Variants in SLC15A5 observed in about 807,000 individuals in gnomAD.
The protein encoded by SLC15A5 is solute carrier family 15 member 5.
SLC15A5 carries 58 observed loss-of-function variants against 56.1 expected under a neutral mutation model. That is an observed-to-expected ratio of 1.03 (90% CI 0.84 to 1.29). SLC15A5 has a LOEUF of 1.29. SLC15A5 is among the 50% of genes most tolerant of loss of function. The pLI is 0.00. For missense variants in SLC15A5, 681 were observed against 672.1 expected (o/e 1.01, Z -0.15); for synonymous variants, 264 against 250.5 (o/e 1.05, Z -0.51).
intron 2 of SLC15A5, among the ~76,000 whole-genome samples, chr12:16,262,022 G>A (rs541410142): frequency 3.9e-5 from 6 of 151,970 alleles, no homozygotes; most frequent in African/African-American, 1.2e-4. Flanking sequence ...TTCATGGATC[G>A]TCCTTTTAGA....
intron 7 of SLC15A5, among the ~76,000 whole-genome samples, chr12:16,213,260 C>A (rs1041551476): frequency 6.6e-6 from 1 of 152,124 alleles, no homozygotes; most frequent in Non-Finnish European, 1.5e-5. Context: ...GCCATCTTTA[C>A]TGAACACTTA....
At chr12:16,233,741 G>A (rs1039658936) in intron 5 of SLC15A5, among the ~76,000 whole-genome samples, 1 of 152,184 alleles carries the variant, frequency 6.6e-6, no homozygotes, top group African/African-American at 2.4e-5. Context: ...TGTCCTCCCT[G>A]ACCAGTAGTG....
In SLC15A5 at chr12:16,272,558, T is replaced by A; in HGVS notation, c.584+3A>T. 6.5e-7 allele frequency: 1 copy of A among 1,536,460 alleles called. No individual in the cohort carries two copies. ...CTTTTCTCTCCTAGCCAGTGCTACT[T>A]ACCAGTTAAAAAAAGACATCGTTTT... On this transcript the variant is annotated splice_donor_region_variant and intron_variant, in intron 2 of 8. Coordinates refer to ENST00000344941, the MANE Select transcript of SLC15A5 (RefSeq NM_001170798.1).
At chr12:16,190,926 G>T (rs181885897) in intron 8 of SLC15A5, among the ~76,000 whole-genome samples, 1 of 152,058 alleles carries the variant, frequency 6.6e-6, no homozygotes, top group Non-Finnish European at 1.5e-5. Flanking sequence ...GGACAGTGGT[G>T]TTAGTTATAA....
At chr12:16,266,510 T>A (rs986160221) in intron 2 of SLC15A5, among the ~76,000 whole-genome samples, 1 of 152,258 alleles carries the variant, frequency 6.6e-6, no homozygotes, top group East Asian at 1.9e-4. Flanking sequence ...GTACTAAATG[T>A]ATTTTAACAA....
intron 6 of SLC15A5, among the ~76,000 whole-genome samples, chr12:16,217,949 T>A (rs1373556847): frequency 6.6e-6 from 1 of 152,134 alleles, no homozygotes; most frequent in Non-Finnish European, 1.5e-5. Flanking sequence ...TCTTTTGGAA[T>A]CAGAAATAGA....
intron 1 of SLC15A5, among the ~76,000 whole-genome samples, chr12:16,274,931 T>G (rs947154771): frequency 1.3e-5 from 2 of 152,058 alleles, no homozygotes; most frequent in African/African-American, 4.8e-5. Context: ...ATGACATATA[T>G]GAAGAAAAGT....
chr12:16,265,926 C>CT (rs1198363725), intron 2 of SLC15A5, among the ~76,000 whole-genome samples: 1 of 152,046 alleles, frequency 6.6e-6, no homozygotes, highest in African/African-American at 2.4e-5. Flanking sequence ...TAGCACAGTA[C>CT]TAGGTTCAAA....
At chr12:16,244,340 C>T (rs547875085) in intron 4 of SLC15A5, among the ~76,000 whole-genome samples, 1 of 152,326 alleles carries the variant, frequency 6.6e-6, no homozygotes, top group South Asian at 2.1e-4. Context: ...TCTGCACCTA[C>T]TGACAGACAT....
rs918228372 is a variant in SLC15A5 at position 16,198,998 on chromosome 12, C to T, written c.1484-4545G>A. Among the ~76,000 whole-genome samples, 5 of 151,976 alleles carry T rather than the reference C, an allele frequency of 3.3e-5. No individual in the cohort carries two copies. In the East Asian group the frequency reaches 9.7e-4, roughly 29 times the overall value. ...GCTCCTCACCCAGAGGGAAGAGCTC[C>T]CCACCTGGCTAGTTCCCCTATTAGC... On this transcript the variant is annotated intron_variant, in intron 7 of 8. Coordinates refer to ENST00000344941, the MANE Select transcript of SLC15A5 (RefSeq NM_001170798.1).
intron 2 of SLC15A5, among the ~76,000 whole-genome samples, chr12:16,264,205 A>G (rs1864670686): frequency 6.6e-6 from 1 of 152,208 alleles, no homozygotes; most frequent in Admixed American, 6.5e-5. Flanking sequence ...GGCCATGGGA[A>G]CCCACCTCTT....
intron 2 of SLC15A5, among the ~76,000 whole-genome samples, chr12:16,272,040 C>G (rs527922328): frequency 3.3e-5 from 5 of 152,172 alleles, no homozygotes; most frequent in African/African-American, 1.2e-4. Context: ...AATTTATAAT[C>G]TCTGCCAAAT....
chr12:16,205,460 A>G (rs963515795), intron 7 of SLC15A5, among the ~76,000 whole-genome samples: 2 of 150,322 alleles, frequency 1.3e-5, no homozygotes, highest in Non-Finnish European at 3.0e-5. Context: ...ATAGAAAAGG[A>G]TGCTTACCTT....
At chr12:16,242,288 G>A (rs1864421321) in intron 4 of SLC15A5, among the ~76,000 whole-genome samples, 1 of 152,314 alleles carries the variant, frequency 6.6e-6, no homozygotes. Context: ...CCCTGGTGAA[G>A]TATGATCTAA....
In SLC15A5 at chr12:16,277,319, A is replaced by T. The variant is rs1250312956; in HGVS notation, c.361+6T>A. On this transcript the variant is annotated splice_donor_region_variant and intron_variant, in intron 1 of 8. Coordinates refer to ENST00000344941, the MANE Select transcript of SLC15A5 (RefSeq NM_001170798.1). ...CAAAACAATCCAGTCAGCAGAGGAC[A>T]CTCACCTAGAAAATGTAGAAACAAG... 2.1e-5 allele frequency: 32 copies of T among 1,511,548 alleles called. No individual in the cohort carries two copies. In the South Asian group the frequency reaches 3.7e-4, roughly 17 times the overall value. The allele number at this position is 1,511,548 out of a possible 1,614,324, so 93.6% of individuals were successfully genotyped here.
At chr12:16,201,610 T>C (rs987672975) in intron 7 of SLC15A5, among the ~76,000 whole-genome samples, 2 of 152,090 alleles carry the variant, frequency 1.3e-5, no homozygotes, top group Non-Finnish European at 2.9e-5. Context: ...GTTCTCATGA[T>C]AGTGAGTGAG....
At chr12:16,254,703 A>G (rs1011403697) in intron 3 of SLC15A5, among the ~76,000 whole-genome samples, 2 of 152,156 alleles carry the variant, frequency 1.3e-5, no homozygotes, top group Non-Finnish European at 2.9e-5. Context: ...CTTTGGATAA[A>G]TGAATGAAAC....
intron 5 of SLC15A5, among the ~76,000 whole-genome samples, chr12:16,238,629 C>CAAAAAAAAAAAAAAAA (rs36053667): frequency 8.6e-6 from 1 of 116,084 alleles, no homozygotes. Context: ...GACTCCGTCT[C>CAAAAAAAAAAAAAAAA]AAAAAAAAAA....
chr12:16,218,713 C>A (rs1163567660), intron 6 of SLC15A5, among the ~76,000 whole-genome samples: 1 of 152,066 alleles, frequency 6.6e-6, no homozygotes, highest in Non-Finnish European at 1.5e-5. Context: ...ATACGTGATC[C>A]ATCATTGATC....
Sources: allele counts gnomAD v4.1 joint callset (sites outside exome capture counted in the v4.1 genomes callset), GRCh38; gene constraint gnomAD v4.1.1; transcripts MANE v1.5; gene names NCBI Gene and HGNC (gene_info 2026-07-23, HGNC 2026-07-21).